Variants in WDR73 observed in about 807,000 individuals in gnomAD.
WDR73 encodes the protein WD repeat domain 73.
A neutral mutation model predicts 38.2 loss-of-function variants in WDR73; 30 were observed. That is an observed-to-expected ratio of 0.79 (90% CI 0.59 to 1.06). The LOEUF is 1.06. Ranked by LOEUF, WDR73 falls within the 50% of genes least tolerant of loss-of-function variation. The pLI, the probability that WDR73 is intolerant of heterozygous loss-of-function variation, is 0.00. For synonymous variants in WDR73, 197 were observed against 176.0 expected (o/e 1.12, Z -0.94); for missense variants, 487 against 467.0 (o/e 1.04, Z -0.40).
At chr15:84,645,972 C>T in intron 6 of WDR73, 136 bp from the exon 7 acceptor site, 1 of 1,546,532 alleles carries the variant, frequency 6.5e-7, no homozygotes, top group Non-Finnish European at 8.7e-7. Flanking sequence ...ACTCATCTCA[C>T]CATTGTCTGC....
At position 84,646,268 on chromosome 15, in the gene WDR73, A is replaced by AT; in HGVS notation, c.432dup (p.Leu145IlefsTer18). ...GCCCCATGGAGGACTCCGGGTGCCAATGTGGAGAAGACGGCCACCCTAGGC... is the reference window on the plus strand; with the variant it reads ...GCCCCATGGAGGACTCCGGGTGCCAATTGTGGAGAAGACGGCCACCCTAGGC... On this transcript the variant is annotated frameshift_variant, in exon 6 of 8. Transcript: ENST00000434634. LOFTEE classifies it high-confidence loss of function. The AT allele has an allele frequency of 6.2e-7, 1 of 1,613,966 alleles. No homozygotes were observed. Among genetic ancestry groups the AT allele is most frequent in the Non-Finnish European group, 8.5e-7 (1 of 1,179,900 alleles).
chr15:84,648,397 G>A (rs937569517), intron 4 of WDR73, 140 bp downstream of exon 4: 8 of 668,118 alleles, frequency 1.2e-5, no homozygotes, highest in Non-Finnish European at 2.1e-5. Flanking sequence ...GTGTGTATCT[G>A]TGTGCACACA....
chr15:84,648,301 A>C, intron 4 of WDR73: 1 of 582,256 alleles, frequency 1.7e-6, no homozygotes, highest in Admixed American at 3.0e-5. Flanking sequence ...CCCTGGAGCA[A>C]CTCCGGTAGA....
chr15:84,645,693 A>C lies in WDR73; in HGVS notation c.661T>G (p.Ser221Ala). The change falls in exon 7 of 8, where the codon TCT becomes GCT. Residue 221 changes from serine to alanine, a missense_variant. By Grantham distance (99) the Ser-to-Ala change is moderately conservative. Coordinates refer to ENST00000434634, the MANE Select transcript of WDR73 (RefSeq NM_032856.5). ...PLENRSPGPGSGGERWCAEVG... is the reference protein window; with the variant it reads ...PLENRSPGPGAGGERWCAEVG... ...TCAGCACACCATCTCTCTCCACCAG[A>C]CCCAGGGCCAGGGCTGCGATTCTCC... The C allele has an allele frequency of 6.2e-7, 1 of 1,608,814 alleles. No homozygotes were observed. The highest frequency in any genetic ancestry group is 8.5e-7 in the Non-Finnish European group (1 of 1,177,798).
rs1358322273 is a variant in WDR73 at position 84,647,885 on chromosome 15, C to T, written c.352+5G>A. 6.2e-7 allele frequency: 1 copy of T among 1,613,944 alleles called. No homozygotes were observed. The highest frequency in any genetic ancestry group is 1.7e-5 in the Admixed American group (1 of 60,024). On this transcript the variant is annotated splice_donor_5th_base_variant and intron_variant, in intron 5 of 7. Transcript: ENST00000434634. Reference sequence around the variant, plus strand: ...CCCAAACCCCATCAAGTCAAATTCACTCACCACTGTCCTCTGCAACCTGCC... The same window carrying T: ...CCCAAACCCCATCAAGTCAAATTCATTCACCACTGTCCTCTGCAACCTGCC...
Position 84,645,279 on chromosome 15 carries a change from T to C in WDR73, c.883+192A>G, listed in dbSNP as rs531845001. ...TAGGCTAGGAAAGGCCTGCTGCCAATGTGTGGAAGTTTAGTAGCCAGGGTA... is the reference window on the plus strand; with the variant it reads ...TAGGCTAGGAAAGGCCTGCTGCCAACGTGTGGAAGTTTAGTAGCCAGGGTA... On this transcript the variant is annotated intron_variant, in intron 7 of 7. Transcript: ENST00000434634. The C allele has an allele frequency of 7.5e-5, 112 of 1,489,688 alleles. 1 individual carries two copies. In the South Asian group the frequency reaches 1.3e-3, roughly 17 times the overall value. The allele number at this position is 1,489,688 out of a possible 1,614,324, so 92.3% of individuals were successfully genotyped here. A position where few individuals can be genotyped will look rare whatever the true frequency, so the allele number is the denominator to read the frequency against.
Position 84,641,867 on chromosome 15 carries a change from C to G in WDR73, c.*1603G>C, listed in dbSNP as rs763284056. 2.0e-5 allele frequency: 3 copies of G among 151,894 alleles called. No individual in the cohort carries two copies. The highest frequency in any genetic ancestry group is 4.4e-5 in the Non-Finnish European group (3 of 67,976). The allele number at this position is 151,894 out of a possible 1,614,324, so 9.4% of individuals were successfully genotyped here. On this transcript the variant is annotated 3_prime_UTR_variant, in exon 8 of 8. Coordinates refer to ENST00000434634, the MANE Select transcript of WDR73 (RefSeq NM_032856.5). ...TTGTTTAGGTTTTTTAAATAAAAAT[C>G]TTTCTTTTTTTTTAGAGACAGGGGT...
rs907120716 is a variant in WDR73, at chr15:84,646,299, A to G, written c.402T>C (p.Ser134=). The G allele has an allele frequency of 2.5e-6, 4 of 1,613,618 alleles. No homozygotes were observed. The stretch of plus-strand genomic sequence containing the variant: ...AGAAGACGGCCACCCTAGGCCAGAG[A>G]CTCTCCTCTTTCTCATGCACAGCAA... ...STIAVHEKEE[S]LWPRVAVFST... The change falls in exon 6 of 8, where the codon AGT becomes AGC. Residue 134 remains serine, a synonymous_variant. Transcript: ENST00000434634.
chr15:84,644,939 C>CTT (rs66834221), intron 7 of WDR73: 6 of 139,260 alleles, frequency 4.3e-5, no homozygotes, highest in Non-Finnish European at 6.1e-5. Context: ...GTCCCTGCTG[C>CTT]TTTTTTTTTT....
chr15:84,646,135 G>C, intron 6 of WDR73, 49 bp downstream of exon 6: 2 of 1,611,642 alleles, frequency 1.2e-6, no homozygotes, highest in Non-Finnish European at 8.5e-7. Flanking sequence ...GTTGGGCTGG[G>C]GGGTGATGCC....
chr15:84,650,720 T>G (rs772710865), intron 3 of WDR73, among the ~76,000 whole-genome samples: 21 of 152,182 alleles, frequency 1.4e-4, no homozygotes, highest in Non-Finnish European at 1.9e-4. Flanking sequence ...GTCTTGAACT[T>G]CTGGCCTCTA....
At chr15:84,653,520 C>T (rs1896688543) in intron 2 of WDR73, 112 bp downstream of exon 2, 1 of 725,490 alleles carries the variant, frequency 1.4e-6, no homozygotes, top group South Asian at 1.6e-5. Flanking sequence ...CAAATTGCTA[C>T]AAGTGACTCT....
At chr15:84,644,593 T>C (rs1271076342) in intron 7 of WDR73, 2 of 147,276 alleles carry the variant, frequency 1.4e-5, no homozygotes, top group Admixed American at 1.4e-4. Context: ...TTTTTTTTTT[T>C]TTTTGAGACA....
At chr15:84,649,551 CCT>C (rs2141842191) in intron 3 of WDR73, among the ~76,000 whole-genome samples, 1 of 151,886 alleles carries the variant, frequency 6.6e-6, no homozygotes, top group South Asian at 2.1e-4. Flanking sequence ...CTCACTGCAA[CCT>C]CTGTCTCCCC....
At chr15:84,651,466 G>A (rs963075546) in intron 3 of WDR73, among the ~76,000 whole-genome samples, 13 of 152,106 alleles carry the variant, frequency 8.5e-5, no homozygotes, top group Middle Eastern at 6.8e-3. Flanking sequence ...TCAAATTCCT[G>A]CCCCCACATG....
At position 84,648,577 on chromosome 15, in the gene WDR73, C is replaced by A; in HGVS notation, c.247G>T (p.Asp83Tyr). 6.2e-7 allele frequency: 1 copy of A among 1,613,938 alleles called. No individual in the cohort carries two copies. Among genetic ancestry groups the A allele is most frequent in the Non-Finnish European group, 8.5e-7 (1 of 1,179,860 alleles). The stretch of plus-strand genomic sequence containing the variant: ...TGCTTTAGATCAAAGATAGACCTGT[C>A]TGAAAATCCTCCATGGCGCACTTTG... Reference protein sequence around the residue: ...DFKVRHGGFSDRSIFDLKHVP... With the variant: ...DFKVRHGGFSYRSIFDLKHVP... Residue 83 changes from aspartate (D) to tyrosine (Y), a missense_variant, in exon 4 of 8, where the codon GAC becomes TAC. Transcript: ENST00000434634.
chr15:84,649,092 T>C (rs1039867632), intron 3 of WDR73, among the ~76,000 whole-genome samples: 6 of 152,210 alleles, frequency 3.9e-5, no homozygotes, highest in Non-Finnish European at 7.3e-5. Flanking sequence ...TCCTATGATA[T>C]AGGTACTATA....
intron 3 of WDR73, among the ~76,000 whole-genome samples, chr15:84,650,405 A>C (rs1343069760): frequency 6.6e-6 from 1 of 151,786 alleles, no homozygotes; most frequent in East Asian, 1.9e-4. Flanking sequence ...TCTGTCACCC[A>C]GGCTGGATGC....
At chr15:84,650,634 C>T (rs573340269) in intron 3 of WDR73, among the ~76,000 whole-genome samples, 25 of 152,008 alleles carry the variant, frequency 1.6e-4, no homozygotes, top group Non-Finnish European at 3.2e-4. Context: ...GCTGGGATTA[C>T]AGGTGTGAGC....
Sources: gnomAD v4.1 joint callset for allele counts (sites outside exome capture counted in the v4.1 genomes callset) on GRCh38, gnomAD v4.1.1 for gene constraint, MANE v1.5 for transcripts, NCBI Gene and HGNC (gene_info 2026-07-23, HGNC 2026-07-21) for gene names.